The following DMD variants were observed in gnomAD, a reference collection of about 807,000 sequenced individuals.
The protein encoded by DMD is dystrophin.
In DMD, 63 loss-of-function variants were observed where a neutral mutation model predicts 330.1. The ratio of observed to expected loss-of-function variants is 0.19; its 90% CI spans 0.16 to 0.24. The LOEUF is 0.24. DMD is among the 10% of genes least tolerant of loss of function. The probability of loss-of-function intolerance (pLI) is 1.00; values close to 1 mark genes in which losing one functional copy is unlikely to be tolerated. For missense variants in DMD, 3,344 were observed against 2,684.1 expected, an observed-to-expected ratio of 1.25 and a Z score of -5.43; for synonymous variants, 1,223 against 959.8, an observed-to-expected ratio of 1.27 and a Z score of -5.07.
intron 22 of DMD, among the ~76,000 whole-genome samples, chrX:32,469,517 G>A (rs920216650): frequency 2.7e-5 from 3 of 110,487 alleles, no homozygotes; most frequent in African/African-American, 9.8e-5. Context: ...CCCAAAATTT[G>A]TCAAATATCT....
rs2053416529 is a variant in DMD, at chrX:33,285,353, CTT to C, written c.7+53904_7+53905del. ...TGTTATAATGTAGTGGAGAAGCAAA[CTT>C]GATACATTTAATGCTGTAACATTAC... is the stretch of plus-strand genomic sequence containing the variant. On this transcript the variant is annotated intron_variant, in intron 1 of 17. Transcript: ENST00000288447. Among the ~76,000 whole-genome samples the C allele has an allele frequency of 1.8e-5, 2 of 110,705 alleles. 1 individual carries two copies. The highest frequency in any genetic ancestry group is 7.6e-4 in the South Asian group (2 of 2,641).
At chrX:32,497,240 G>A (rs2043585231) in intron 19 of DMD, among the ~76,000 whole-genome samples, 1 of 112,147 alleles carries the variant, frequency 8.9e-6, no homozygotes, top group African/African-American at 3.2e-5. Flanking sequence ...GCTCTCGTCA[G>A]TGTTATCATT....
chrX:31,773,724 C>CTTTTTTTTTTTTTTTTTTTTT (rs762551529), intron 51 of DMD, among the ~76,000 whole-genome samples: 6 of 53,555 alleles, frequency 1.1e-4, no homozygotes, highest in Non-Finnish European at 1.7e-4. Flanking sequence ...AAGGTTTCTG[C>CTTTTTTTTTTTTTTTTTTTTT]TTTTTTTTTT....
intron 1 of DMD, among the ~76,000 whole-genome samples, chrX:33,236,513 A>C (rs58351841): frequency 0.19 from 20,360 of 106,817 alleles, 3,467 homozygotes; most frequent in African/African-American, 0.55. Context: ...GACCCACCCA[A>C]CTTGGCCTCC....
intron 44 of DMD, among the ~76,000 whole-genome samples, chrX:32,124,741 A>C (rs1291810016): frequency 9.0e-6 from 1 of 110,962 alleles, no homozygotes; most frequent in African/African-American, 3.3e-5. Context: ...AGGAGAGGAA[A>C]ATAAAGAGCA....
chrX:31,655,213 G>T (rs1479008340), intron 54 of DMD, among the ~76,000 whole-genome samples: 2 of 111,404 alleles, frequency 1.8e-5, no homozygotes, highest in Non-Finnish European at 3.8e-5. Flanking sequence ...TGGAACACTA[G>T]GATAAATAGC....
chrX:32,945,059 T>G (rs1195615262), intron 2 of DMD, among the ~76,000 whole-genome samples: 2 of 111,337 alleles, frequency 1.8e-5, no homozygotes, highest in Non-Finnish European at 1.9e-5. Flanking sequence ...CCACCCCAAT[T>G]TAAATTTTAT....
chrX:33,080,567 G>A (rs1176109336), intron 1 of DMD, among the ~76,000 whole-genome samples: 2 of 111,661 alleles, frequency 1.8e-5, no homozygotes, highest in African/African-American at 3.3e-5. Context: ...TGATAAAAAA[G>A]CTATTTTAAT....
chrX:32,382,464 G>A (rs1276522603), intron 33 of DMD, among the ~76,000 whole-genome samples: 2 of 111,309 alleles, frequency 1.8e-5, no homozygotes, highest in East Asian at 5.6e-4. Flanking sequence ...CATCTAAAAT[G>A]CTACAATCGA....
At chrX:33,091,660 T>C (rs2095087094) in intron 1 of DMD, among the ~76,000 whole-genome samples, 1 of 112,077 alleles carries the variant, frequency 8.9e-6, no homozygotes, top group Non-Finnish European at 1.9e-5. Context: ...GGAGATGATG[T>C]TATCTATTTA....
chrX:31,566,373 C>A (rs1242499784), intron 55 of DMD, among the ~76,000 whole-genome samples: 1 of 111,280 alleles, frequency 9.0e-6, no homozygotes, highest in Non-Finnish European at 1.9e-5. Flanking sequence ...TATTGAATTG[C>A]TTTTGCAACT....
Position 32,734,953 on chromosome X carries a change from T to C in DMD, c.650-35660A>G, listed in dbSNP as rs765686642. On this transcript the variant is annotated intron_variant, in intron 7 of 78. Coordinates refer to ENST00000357033, the MANE Select transcript of DMD (RefSeq NM_004006.3). ...GAGAAGGAAATAAAGGGTATTCAAT[T>C]AGGAAAAGAGAAAGTCAAATTGACC... 5.5e-5 allele frequency among the ~76,000 whole-genome samples: 6 copies of C among 108,716 alleles called. No individual in the cohort carries two copies. In the East Asian group the frequency reaches 1.7e-3, roughly 31 times the overall value. 94.4% of individuals were successfully genotyped at this position (108,716 alleles called of 115,157 possible).
intron 7 of DMD, among the ~76,000 whole-genome samples, chrX:32,738,849 G>T (rs932499587): frequency 5.4e-5 from 6 of 111,719 alleles, no homozygotes; most frequent in Admixed American, 1.9e-4. Context: ...TCTTTCAAAA[G>T]GAGAGGTGTG....
intron 5 of DMD, among the ~76,000 whole-genome samples, chrX:32,820,627 G>C (rs1248476061): frequency 9.0e-6 from 1 of 111,121 alleles, no homozygotes; most frequent in Non-Finnish European, 1.9e-5. Flanking sequence ...ACAGTTCAGA[G>C]TGCCTTTTGG....
At chrX:31,816,922 G>A (rs762192453) in intron 50 of DMD, among the ~76,000 whole-genome samples, 1 of 111,553 alleles carries the variant, frequency 9.0e-6, no homozygotes, top group Non-Finnish European at 1.9e-5. Flanking sequence ...CTGCTGGCCA[G>A]CTGCATCTGT....
intron 1 of DMD, among the ~76,000 whole-genome samples, chrX:33,055,858 C>T (rs145566079): frequency 2.3e-4 from 25 of 111,019 alleles, no homozygotes; most frequent in Non-Finnish European, 4.5e-4. Flanking sequence ...CATTTGTAAA[C>T]AAAGCAGTAA....
rs141478085 is a variant in DMD at position 32,714,596 on chromosome X, C to T, written c.650-15303G>A. Among the ~76,000 whole-genome samples the T allele has an allele frequency of 7.9e-3, 882 of 111,439 alleles. 20 individuals are homozygous for T. The East Asian group carries it at 0.11, about 15-fold the overall frequency. Reference sequence around the variant, plus strand: ...ACTTGATTCCACGATTTTGCTATTACGCATAGTGCTCCAGTGAACATGCGA... The same window carrying T: ...ACTTGATTCCACGATTTTGCTATTATGCATAGTGCTCCAGTGAACATGCGA... On this transcript the variant is annotated intron_variant, in intron 7 of 78. Coordinates refer to ENST00000357033, the MANE Select transcript of DMD (RefSeq NM_004006.3).
chrX:31,686,915 T>C (rs553637771), intron 52 of DMD, among the ~76,000 whole-genome samples: 2 of 111,810 alleles, frequency 1.8e-5, no homozygotes, highest in South Asian at 7.6e-4. Flanking sequence ...ACTCCTTACT[T>C]CTCGTTAAGG....
intron 11 of DMD, among the ~76,000 whole-genome samples, chrX:32,639,450 CACT>C (rs2059309066): frequency 8.9e-6 from 1 of 112,024 alleles, no homozygotes; most frequent in Admixed American, 9.5e-5. Context: ...TTGTTTTAAA[CACT>C]ACATTATGAA....
Sources: allele counts gnomAD v4.1 joint callset (sites outside exome capture counted in the v4.1 genomes callset), GRCh38; gene constraint gnomAD v4.1.1; transcripts MANE v1.5; gene names NCBI Gene and HGNC (gene_info 2026-07-23, HGNC 2026-07-21).